The following PRR13 variants were observed in gnomAD, a reference collection of about 807,000 sequenced individuals.
The protein encoded by PRR13 is proline-rich protein 13.
PRR13 carries 7 observed loss-of-function variants against 11.5 expected under a neutral mutation model. The ratio of observed to expected loss-of-function variants is 0.61; its 90% CI spans 0.34 to 1.14. The LOEUF is 1.14. Among genes scored for constraint, PRR13 ranks in the 50% most tolerant of loss-of-function variants. The pLI is 0.03. For missense variants in PRR13, 155 were observed against 194.4 expected, an observed-to-expected ratio of 0.80 and a Z score of 1.21; for synonymous variants, 53 against 67.8, an observed-to-expected ratio of 0.78 and a Z score of 1.07.
chr12:53,445,971 G>T (rs750175408), intron 3 of PRR13, 44 bp from the exon 4 acceptor site: 55 of 1,611,996 alleles, frequency 3.4e-5, no homozygotes, highest in Non-Finnish European at 1.3e-5. Flanking sequence ...AGGTCATTTG[G>T]ATCTGATGCT....
At position 53,446,296 on chromosome 12, in the gene PRR13, G is replaced by A. The variant is rs1940400063; in HGVS notation, c.*237G>A. 2 of 503,232 alleles carry A rather than the reference G, an allele frequency of 4.0e-6. No homozygotes were observed. Among genetic ancestry groups the A allele is most frequent in the Non-Finnish European group, 6.4e-6 (2 of 310,118 alleles). The allele number at this position is 503,232 out of a possible 1,614,324, so 31.2% of individuals were successfully genotyped here. ...TATAGCTAATGAATTAGGCAGGGGAGCTATTTTTTGAAGATGATGAACTAA... is the reference window on the plus strand; with the variant it reads ...TATAGCTAATGAATTAGGCAGGGGAACTATTTTTTGAAGATGATGAACTAA... On this transcript the variant is annotated 3_prime_UTR_variant, in exon 4 of 4. Coordinates refer to ENST00000429243, the MANE Select transcript of PRR13 (RefSeq NM_018457.4).
intron 1 of PRR13, chr12:53,442,238 ATTTCTTTTCT>A (rs537828619): frequency 1.3e-5 from 3 of 232,712 alleles, no homozygotes; most frequent in Non-Finnish European, 2.5e-5. Context: ...GGAAAGAGAC[ATTTCTTTTCT>A]TTTCTTTTCT....
chr12:53,444,179 TCC>T (rs994185692), intron 3 of PRR13: 1 of 266,316 alleles, frequency 3.8e-6, no homozygotes, highest in African/African-American at 2.2e-5. Flanking sequence ...AATTAATCTG[TCC>T]CTAGTTCCAG....
At position 53,443,482 on chromosome 12, in the gene PRR13, C is replaced by T; in HGVS notation, c.111C>T (p.Pro37=). The T allele has an allele frequency of 6.9e-7, 1 of 1,454,536 alleles. No individual in the cohort carries two copies. The highest frequency in any genetic ancestry group is 2.5e-5 in the East Asian group (1 of 40,092). 90.1% of individuals were successfully genotyped at this position (1,454,536 alleles called of 1,614,324 possible). A position where few individuals can be genotyped will look rare whatever the true frequency, so the allele number is the denominator to read the frequency against. ...CACCACCTATTAATCCACCCTTTCC[C>T]CCAGGCCCCTGTCCTCCTCCCCCAG... ...AHPPPINPPF[P]PGPCPPPPGA... Residue 37 remains proline (P), a synonymous_variant, in exon 3 of 4, where the codon CCC becomes CCT. Transcript: ENST00000429243.
intron 3 of PRR13, among the ~76,000 whole-genome samples, chr12:53,444,373 A>G (rs1381743776): frequency 7.0e-6 from 1 of 142,000 alleles, no homozygotes; most frequent in Admixed American, 7.4e-5. Flanking sequence ...TCTTTAGCCC[A>G]GGCCAGATTG....
chr12:53,444,329 G>GTTTTT (rs959231725), intron 3 of PRR13, among the ~76,000 whole-genome samples: 1 of 131,350 alleles, frequency 7.6e-6, no homozygotes, highest in African/African-American at 3.0e-5. Context: ...GACTAAGGAG[G>GTTTTT]TTTTTTTTTT....
chr12:53,442,016 G>C, intron 1 of PRR13: 1 of 593,886 alleles, frequency 1.7e-6, no homozygotes, highest in Non-Finnish European at 3.0e-6. Context: ...CCCAGGGAGA[G>C]AGAAAGTTGT....
chr12:53,442,134 C>A, intron 1 of PRR13: 1 of 389,800 alleles, frequency 2.6e-6, no homozygotes, highest in Non-Finnish European at 4.6e-6. Context: ...TGCCTACTTC[C>A]GAAGAGTTAG....
At position 53,443,619 on chromosome 12, in the gene PRR13, C is replaced by T. The variant is rs775012346; in HGVS notation, c.248C>T (p.Pro83Leu). The change falls in exon 3 of 4, where the codon CCG becomes CTG. Residue 83 changes from proline (P) to leucine (L), a missense_variant. Transcript: ENST00000429243. ...PLGPYPPPYP[P>L]PAPGIPPVNP... Reference sequence around the variant, plus strand: ...GGTCCCTACCCTCCTCCATACCCACCGCCTGCCCCTGGAATCCCTCCTGTG... The same window carrying T: ...GGTCCCTACCCTCCTCCATACCCACTGCCTGCCCCTGGAATCCCTCCTGTG... 24 of 1,613,914 alleles carry T rather than the reference C, an allele frequency of 1.5e-5. No homozygotes were observed. Among genetic ancestry groups the T allele is most frequent in the Admixed American group, 3.3e-5 (2 of 59,974 alleles).
chr12:53,444,291 C>T (rs1264237401), intron 3 of PRR13, among the ~76,000 whole-genome samples: 3 of 150,976 alleles, frequency 2.0e-5, no homozygotes, highest in African/African-American at 7.3e-5. Context: ...CAAGAGCAGT[C>T]AGTGACTAGG....
intron 1 of PRR13, 39 bp downstream of exon 1, chr12:53,441,831 C>T (rs969580836): frequency 1.0e-5 from 7 of 702,042 alleles, no homozygotes; most frequent in Non-Finnish European, 1.8e-5. Flanking sequence ...TTTCCTTTTC[C>T]CCTTGCTAGG....
At chr12:53,443,147 G>A (rs1378960300) in intron 2 of PRR13, 1 of 436,270 alleles carries the variant, frequency 2.3e-6, no homozygotes. Flanking sequence ...GTGAGCCACC[G>A]CGCCTGGACT....
chr12:53,443,149 G>A (rs889896018), intron 2 of PRR13: 12 of 462,268 alleles, frequency 2.6e-5, no homozygotes, highest in South Asian at 1.7e-4. Flanking sequence ...GAGCCACCGC[G>A]CCTGGACTGA....
At chr12:53,442,664 C>T (rs774073118) in intron 1 of PRR13, 31 bp from the exon 2 acceptor site, 2 of 1,569,366 alleles carry the variant, frequency 1.3e-6, no homozygotes, top group Admixed American at 3.3e-5. Context: ...TCTAGACCGT[C>T]ATCTTTTTTG....
intron 3 of PRR13, chr12:53,444,075 G>A: frequency 2.2e-6 from 1 of 454,914 alleles, no homozygotes; most frequent in Non-Finnish European, 3.9e-6. Flanking sequence ...CCTCCCGCCA[G>A]GTGCATATTC....
chr12:53,444,271 A>G (rs1940356071), intron 3 of PRR13, among the ~76,000 whole-genome samples: 1 of 152,130 alleles, frequency 6.6e-6, no homozygotes, highest in Non-Finnish European at 1.5e-5. Context: ...TCCAGCAGAA[A>G]AAGTGAGGAC....
In PRR13 at chr12:53,443,618, C is replaced by A. The variant is rs1412303788; in HGVS notation, c.247C>A (p.Pro83Thr). 1.2e-5 allele frequency: 19 copies of A among 1,613,924 alleles called. No homozygotes were observed. Among genetic ancestry groups the A allele is most frequent in the Admixed American group, 1.7e-5 (1 of 59,978 alleles). ...PLGPYPPPYPPPAPGIPPVNP... is the reference protein window; with the variant it reads ...PLGPYPPPYPTPAPGIPPVNP... ...GGGTCCCTACCCTCCTCCATACCCACCGCCTGCCCCTGGAATCCCTCCTGT... is the reference window on the plus strand; with the variant it reads ...GGGTCCCTACCCTCCTCCATACCCAACGCCTGCCCCTGGAATCCCTCCTGT... The change falls in exon 3 of 4, where the codon CCG (proline) becomes ACG (threonine). Residue 83 changes from proline to threonine, a missense_variant. By Grantham distance (38) the Pro-to-Thr change is conservative. Coordinates refer to ENST00000429243, the MANE Select transcript of PRR13 (RefSeq NM_018457.4).
At position 53,442,734 on chromosome 12, in the gene PRR13, G is replaced by A; in HGVS notation, c.19+1G>A. 1.2e-6 allele frequency: 2 copies of A among 1,610,626 alleles called. No individual in the cohort carries two copies. Among genetic ancestry groups the A allele is most frequent in the Non-Finnish European group, 1.7e-6 (2 of 1,176,830 alleles). On this transcript the variant is annotated splice_donor_variant, in intron 2 of 3. Coordinates refer to ENST00000429243, the MANE Select transcript of PRR13 (RefSeq NM_018457.4). LOFTEE classifies it high-confidence loss of function. Reference sequence around the variant, plus strand: ...CTAAACATGTGGAATCCCAATGCCGGTAGGTGTTTGGGGGTTCTGTTCCAC... The same window carrying A: ...CTAAACATGTGGAATCCCAATGCCGATAGGTGTTTGGGGGTTCTGTTCCAC...
chr12:53,442,653 C>A (rs1382932285), intron 1 of PRR13, 42 bp from the exon 2 acceptor site: 1 of 1,545,442 alleles, frequency 6.5e-7, no homozygotes. Flanking sequence ...CACTTCCTAC[C>A]TCTAGACCGT....
Sources: gnomAD v4.1 joint callset for allele counts (sites outside exome capture counted in the v4.1 genomes callset) on GRCh38, gnomAD v4.1.1 for gene constraint, MANE v1.5 for transcripts, NCBI Gene and HGNC (gene_info 2026-07-23, HGNC 2026-07-21) for gene names.